The following DDX60 variants were observed in gnomAD, a reference collection of about 807,000 sequenced individuals.
The protein encoded by DDX60 is probable ATP-dependent RNA helicase DDX60.
Under a neutral mutation model 212.8 loss-of-function variants are expected in DDX60, and 165 were observed. The ratio of observed to expected loss-of-function variants is 0.78; its 90% CI spans 0.68 to 0.88. DDX60 has a LOEUF of 0.88. Ranked by LOEUF, DDX60 falls within the 40% of genes least tolerant of loss-of-function variation. The probability of loss-of-function intolerance (pLI) is 0.00; values close to 1 mark genes in which losing one functional copy is unlikely to be tolerated. For missense variants in DDX60, 1,905 were observed against 2,003.9 expected (o/e 0.95, Z 0.94); for synonymous variants, 703 against 685.3 (o/e 1.03, Z -0.40).
chr4:168,322,127 T>C (rs980830835), upstream of DDX60, among the ~76,000 whole-genome samples: 1 of 152,152 alleles, frequency 6.6e-6, no homozygotes, highest in Non-Finnish European at 1.5e-5. Context: ...ATCCAAACAA[T>C]GCTTGTTTAG....
At chr4:168,256,586 A>G (rs184009068) in intron 25 of DDX60, among the ~76,000 whole-genome samples, 2 of 152,328 alleles carry the variant, frequency 1.3e-5, no homozygotes, top group Admixed American at 1.3e-4. Flanking sequence ...TTCTCCTGAT[A>G]CATGAAAAGT....
At chr4:168,295,697 A>ATC (rs1406286252) in intron 6 of DDX60, among the ~76,000 whole-genome samples, 1 of 152,216 alleles carries the variant, frequency 6.6e-6, no homozygotes, top group African/African-American at 2.4e-5. Context: ...TCGAAGGTAT[A>ATC]TCTGCACTCC....
chr4:168,239,974 G>A (rs943185358), intron 30 of DDX60, among the ~76,000 whole-genome samples: 1 of 152,028 alleles, frequency 6.6e-6, no homozygotes, highest in African/African-American at 2.4e-5. Context: ...GTTCTGGCCA[G>A]GGCAATCAGG....
At chr4:168,239,670 C>A (rs79294457) in intron 30 of DDX60, among the ~76,000 whole-genome samples, 8,892 of 151,828 alleles carry the variant, frequency 0.059, 448 homozygotes, top group East Asian at 0.15. Context: ...GTCTCAGGGA[C>A]GATCTTAGAA....
chr4:168,241,739 TG>T, intron 30 of DDX60, among the ~76,000 whole-genome samples: 1 of 152,280 alleles, frequency 6.6e-6, no homozygotes, highest in African/African-American at 2.4e-5. Context: ...ATTTGCAGGC[TG>T]ACAATGGGAT....
intron 5 of DDX60, 30 bp from the exon 6 acceptor site, chr4:168,302,446 G>T (rs780778818): frequency 2.0e-6 from 2 of 1,024,580 alleles, no homozygotes; most frequent in South Asian, 2.2e-5. Context: ...CAGAAAAGTT[G>T]TTATAAATAA....
chr4:168,305,154 C>T (rs986770834), intron 5 of DDX60, among the ~76,000 whole-genome samples: 1 of 152,174 alleles, frequency 6.6e-6, no homozygotes, highest in Non-Finnish European at 1.5e-5. Flanking sequence ...AGCCTAGGAA[C>T]AGTAGGCTAC....
intron 26 of DDX60, among the ~76,000 whole-genome samples, chr4:168,254,356 C>G (rs910714876): frequency 6.6e-6 from 1 of 152,082 alleles, no homozygotes; most frequent in African/African-American, 2.4e-5. Flanking sequence ...TATGCTGTCC[C>G]TGGGTTTTTA....
At chr4:168,307,473 T>C (rs1736934845) in intron 4 of DDX60, among the ~76,000 whole-genome samples, 1 of 152,174 alleles carries the variant, frequency 6.6e-6, no homozygotes, top group South Asian at 2.1e-4. Flanking sequence ...AGACTGGGTC[T>C]CACTATGTCA....
At chr4:168,265,137 C>T (rs1407518289) in intron 22 of DDX60, among the ~76,000 whole-genome samples, 1 of 152,154 alleles carries the variant, frequency 6.6e-6, no homozygotes, top group Non-Finnish European at 1.5e-5. Flanking sequence ...TAGCCAGAAA[C>T]AAGCCATGTA....
rs147318322 is a variant in DDX60 at position 168,234,902 on chromosome 4, C to A, written c.4533+1350G>T. ...GTATTGTTTTACAGTTTTAGTAAGC[C>A]TCATTTATGCTTTGTCTCTCTTTCT... On this transcript the variant is annotated intron_variant, in intron 33 of 37. Coordinates refer to ENST00000393743, the MANE Select transcript of DDX60 (RefSeq NM_017631.6). Among the ~76,000 whole-genome samples the A allele has an allele frequency of 2.1e-3, 326 of 152,124 alleles. 2 individuals carry two copies. Among genetic ancestry groups the A allele is most frequent in the Middle Eastern group, 6.8e-3 (2 of 294 alleles).
chr4:168,251,193 A>G (rs1734208192), intron 27 of DDX60, 87 bp from the exon 28 acceptor site: 1 of 1,307,538 alleles, frequency 7.6e-7, no homozygotes, highest in South Asian at 1.4e-5. Context: ...CATACTATGT[A>G]ATAATTTGGC....
At chr4:168,279,031 G>C (rs1560851844) in intron 14 of DDX60, among the ~76,000 whole-genome samples, 1 of 152,066 alleles carries the variant, frequency 6.6e-6, no homozygotes, top group African/African-American at 2.4e-5. Context: ...GTCCAAAGGA[G>C]GCACCAAGAC....
At chr4:168,244,247 TTAAAA>T (rs533452773) in intron 30 of DDX60, among the ~76,000 whole-genome samples, 285 of 152,148 alleles carry the variant, frequency 1.9e-3, no homozygotes, top group African/African-American at 6.1e-3. Flanking sequence ...GCCTCAGAAC[TTAAAA>T]TAAAATAATA....
intron 22 of DDX60, among the ~76,000 whole-genome samples, chr4:168,264,685 C>T (rs1734766654): frequency 6.6e-6 from 1 of 152,110 alleles, no homozygotes; most frequent in Non-Finnish European, 1.5e-5. Flanking sequence ...ATGTAACAGA[C>T]TTAGTAAAAT....
intron 25 of DDX60, 58 bp downstream of exon 25, chr4:168,260,791 GTTGGGGACCTCTGCCT>G: frequency 7.5e-7 from 1 of 1,329,756 alleles, no homozygotes; most frequent in Non-Finnish European, 1.1e-6. Context: ...TGGCCTGGAG[GTTGGGGACCTCTGCCT>G]TAAAGGAATG....
At chr4:168,238,800 T>C (rs981927183) in intron 30 of DDX60, among the ~76,000 whole-genome samples, 1 of 152,130 alleles carries the variant, frequency 6.6e-6, no homozygotes, top group Non-Finnish European at 1.5e-5. Context: ...CTATAGTTTA[T>C]TGTGATTAAT....
At chr4:168,265,160 G>C (rs370415049) in intron 22 of DDX60, among the ~76,000 whole-genome samples, 2 of 152,130 alleles carry the variant, frequency 1.3e-5, no homozygotes, top group East Asian at 3.8e-4. Context: ...GATTGAAGGC[G>C]ATCCCTCACC....
At chr4:168,238,004 C>T (rs981693081) in intron 30 of DDX60, among the ~76,000 whole-genome samples, 8 of 151,802 alleles carry the variant, frequency 5.3e-5, no homozygotes, top group African/African-American at 7.3e-5. Context: ...AGAAATGAAA[C>T]GTATTGCCAA....
Sources: allele counts gnomAD v4.1 joint callset (sites outside exome capture counted in the v4.1 genomes callset), GRCh38; gene constraint gnomAD v4.1.1; transcripts MANE v1.5; gene names NCBI Gene and HGNC (gene_info 2026-07-23, HGNC 2026-07-21).